The following MAX variants were observed in gnomAD, a reference collection of about 807,000 sequenced individuals.
MAX encodes the protein MYC associated transcriptional regulator X, also known as protein max.
MAX carries 3 observed loss-of-function variants against 22.3 expected under a neutral mutation model. That is an observed-to-expected ratio of 0.13 (90% CI 0.06 to 0.35). MAX has a LOEUF of 0.35. Among genes scored for constraint, MAX ranks in the 10% least tolerant of loss-of-function variants. MAX has a pLI of 1.00. For missense variants in MAX, 119 were observed against 209.4 expected, an observed-to-expected ratio of 0.57 and a Z score of 2.66; for synonymous variants, 72 against 77.7, an observed-to-expected ratio of 0.93 and a Z score of 0.39.
intron 2 of MAX, among the ~76,000 whole-genome samples, chr14:65,096,833 A>AG (rs2063688241): frequency 6.6e-6 from 1 of 152,224 alleles, no homozygotes; most frequent in Non-Finnish European, 1.5e-5. Flanking sequence ...GGAATTAATT[A>AG]GGCCCTATTC....
At chr14:65,024,091 C>T (rs927640243) in intron 3 of MAX, among the ~76,000 whole-genome samples, 2 of 148,460 alleles carry the variant, frequency 1.3e-5, no homozygotes, top group African/African-American at 5.0e-5. Context: ...GACAGAGGGA[C>T]ACTCCATCTC....
At position 65,007,894 on chromosome 14, in the gene MAX, T is replaced by C. The variant is rs1438113722; in HGVS notation, c.172-1610A>G. Among the ~76,000 whole-genome samples the C allele has an allele frequency of 6.6e-6, 1 of 152,228 alleles. No individual in the cohort carries two copies. The highest frequency in any genetic ancestry group is 1.5e-5 in the Non-Finnish European group (1 of 68,042). ...CCTCAGAAGTGAGAAATATTGATAA[T>C]GTCCCTGTGCTAATAGAGCCCTGGA... On this transcript the variant is annotated intron_variant, in intron 3 of 3. Coordinates refer to the MAX transcript ENST00000341653. The surrounding 1 kb of genome is among the most constrained non-coding windows in gnomAD (Gnocchi z 4.9).
chr14:65,060,278 G>A (rs2062831662), intron 3 of MAX, among the ~76,000 whole-genome samples: 1 of 151,834 alleles, frequency 6.6e-6, no homozygotes, highest in Non-Finnish European at 1.5e-5. Context: ...ATACATCACA[G>A]GTACAAATAC....
chr14:65,101,265 T>A (rs909164753), intron 2 of MAX, among the ~76,000 whole-genome samples: 1 of 152,238 alleles, frequency 6.6e-6, no homozygotes, highest in Admixed American at 6.5e-5. Flanking sequence ...ACTTACATAG[T>A]GGCATCTGGA....
upstream of MAX, chr14:65,102,570 C>G: frequency 2.1e-6 from 3 of 1,442,536 alleles, no homozygotes; most frequent in South Asian, 2.9e-5. Flanking sequence ...CGCCACGTGA[C>G]CAGGCTCGCA....
Position 65,082,250 on chromosome 14 carries a change from C to CA in MAX, c.172-4215dup, listed in dbSNP as rs2063216871. 6.7e-6 allele frequency: 1 copy of CA among 149,944 alleles called. No homozygotes were observed. The highest frequency in any genetic ancestry group is 2.1e-4 in the South Asian group (1 of 4,660). The allele number at this position is 149,944 out of a possible 1,614,324, so 9.3% of individuals were successfully genotyped here. Reference sequence around the variant, plus strand: ...AAAAAGATCAATAGAATTGCAGGGACACTGTTGTCATGGAGGGGAAAGTTG... The same window carrying CA: ...AAAAAGATCAATAGAATTGCAGGGACAACTGTTGTCATGGAGGGGAAAGTTG... On this transcript the variant is annotated intron_variant, in intron 3 of 4. Coordinates refer to ENST00000358664, the MANE Select transcript of MAX (RefSeq NM_002382.5). The surrounding 1 kb of genome is among the most constrained non-coding windows in gnomAD (Gnocchi z 4.8).
chr14:65,019,881 GA>G (rs1296957310), intron 3 of MAX, among the ~76,000 whole-genome samples: 1 of 152,298 alleles, frequency 6.6e-6, no homozygotes, highest in East Asian at 1.9e-4. Context: ...ATAAATAGAA[GA>G]TTTTTTTTAG....
At chr14:65,095,570 T>A (rs545180489) in intron 2 of MAX, among the ~76,000 whole-genome samples, 1 of 152,274 alleles carries the variant, frequency 6.6e-6, no homozygotes, top group South Asian at 2.1e-4. Context: ...ATCATCTACA[T>A]AAAGATAAGT....
Position 65,011,284 on chromosome 14 carries a change from C to T in MAX, c.172-5000G>A, listed in dbSNP as rs1325321619. On this transcript the variant is annotated intron_variant, in intron 3 of 3. Transcript: ENST00000341653. This position sits in a 1 kb window ranked among gnomAD's most constrained non-coding sequence, Gnocchi z 4.0. ...TCTCCACTAAAAATACAAAAATTAG[C>T]TGGGTGTGGTGGCACGTGCCTGTAA... Among the ~76,000 whole-genome samples, 1 of 152,110 alleles carries T rather than the reference C, an allele frequency of 6.6e-6. No homozygotes were observed. Among genetic ancestry groups the T allele is most frequent in the South Asian group, 2.1e-4 (1 of 4,826 alleles).
chr14:65,051,934 A>G (rs937747877), intron 3 of MAX, among the ~76,000 whole-genome samples: 16 of 151,558 alleles, frequency 1.1e-4, no homozygotes, highest in African/African-American at 4.9e-5. Context: ...AGCTGGGACT[A>G]CAGGCGCCCA....
chr14:65,087,832 T>C (rs567591488), intron 3 of MAX, among the ~76,000 whole-genome samples: 7 of 152,216 alleles, frequency 4.6e-5, no homozygotes, highest in Admixed American at 1.3e-4. Flanking sequence ...CAGAATAATA[T>C]AGTTTGGCTG....
At chr14:65,053,198 G>T in intron 3 of MAX, 1 of 1,322,270 alleles carries the variant, frequency 7.6e-7, no homozygotes. Context: ...ATACTTGGCT[G>T]GATCTGCCGG....
Position 65,047,468 on chromosome 14 carries a change from T to A in MAX, c.172-41184A>T, listed in dbSNP as rs2062510301. Among the ~76,000 whole-genome samples the A allele has an allele frequency of 6.6e-6, 1 of 152,020 alleles. No individual in the cohort carries two copies. The highest frequency in any genetic ancestry group is 2.1e-4 in the South Asian group (1 of 4,816). On this transcript the variant is annotated intron_variant, in intron 3 of 3. Coordinates refer to the MAX transcript ENST00000341653. The surrounding 1 kb of genome is among the most constrained non-coding windows in gnomAD (Gnocchi z 5.2). ...GTAAAAGAAATGCTAATCAAAAGAG[T>A]GGCACTATTTGTTTTTATTATTGGA...
chr14:65,055,203 T>C (rs1595100905), intron 3 of MAX, among the ~76,000 whole-genome samples: 3 of 152,298 alleles, frequency 2.0e-5, no homozygotes, highest in African/African-American at 7.2e-5. Context: ...AATGTGTGTT[T>C]GTCTGCTTTC....
rs1367870081 is a variant in MAX at position 65,044,521 on chromosome 14, T to G, written c.172-38237A>C. 4 of 1,542,368 alleles carry G rather than the reference T, an allele frequency of 2.6e-6. No individual in the cohort carries two copies. In the Admixed American group the frequency reaches 6.8e-5, roughly 26 times the overall value. On this transcript the variant is annotated intron_variant, in intron 3 of 3. Coordinates refer to the MAX transcript ENST00000341653. This position sits in a 1 kb window ranked among gnomAD's most constrained non-coding sequence, Gnocchi z 5.5. ...ACAAAGTCTGGAAGCCCAGCGTGCTTTTTTAGAGGGGTTGAAATGAGCTCT... is the reference window on the plus strand; with the variant it reads ...ACAAAGTCTGGAAGCCCAGCGTGCTGTTTTAGAGGGGTTGAAATGAGCTCT...
chr14:65,049,410 G>A (rs958051334), intron 3 of MAX, among the ~76,000 whole-genome samples: 5 of 152,066 alleles, frequency 3.3e-5, no homozygotes, highest in African/African-American at 1.2e-4. Context: ...GATTAGAATG[G>A]CGACCTATAA....
In MAX at chr14:65,079,930, G is replaced by A. The variant is rs2063160580; in HGVS notation, c.172-1894C>T. Among the ~76,000 whole-genome samples, 1 of 152,082 alleles carries A rather than the reference G, an allele frequency of 6.6e-6. No homozygotes were observed. Among genetic ancestry groups the A allele is most frequent in the South Asian group, 2.1e-4 (1 of 4,822 alleles). The stretch of plus-strand genomic sequence containing the variant: ...ACCATTTTTATCAGGTGCAAATTAC[G>A]TACAAGATACTAGGCAGATACTGTG... On this transcript the variant is annotated intron_variant, in intron 3 of 4. Transcript: ENST00000358664. The surrounding 1 kb of genome is among the most constrained non-coding windows in gnomAD (Gnocchi z 4.5).
chr14:65,068,575 A>C (rs760908597), intron 3 of MAX, among the ~76,000 whole-genome samples: 1 of 152,112 alleles, frequency 6.6e-6, no homozygotes, highest in African/African-American at 2.4e-5. Context: ...CGTTTATTTT[A>C]TACTTCATAT....
In MAX at chr14:65,079,330, A is replaced by G. The variant is rs1160982207; in HGVS notation, c.172-1294T>C. On this transcript the variant is annotated intron_variant, in intron 3 of 4. Transcript: ENST00000358664. The surrounding 1 kb of genome is among the most constrained non-coding windows in gnomAD (Gnocchi z 4.5). The stretch of plus-strand genomic sequence containing the variant: ...GAGCATGAGATTGGGCCATTTCAGG[A>G]AACAACCACACCTCTACAATGGCTG... 2.0e-5 allele frequency among the ~76,000 whole-genome samples: 3 copies of G among 152,206 alleles called. No individual in the cohort carries two copies. The highest frequency in any genetic ancestry group is 2.9e-5 in the Non-Finnish European group (2 of 68,016).
Sources: gnomAD v4.1 joint callset for allele counts (sites outside exome capture counted in the v4.1 genomes callset) on GRCh38, gnomAD v4.1.1 for gene constraint, Gnocchi (gnomAD v3.1) non-coding constraint, MANE v1.5 for transcripts, NCBI Gene and HGNC (gene_info 2026-07-23, HGNC 2026-07-21) for gene names.